Variants in TMED5 observed in about 807,000 individuals in gnomAD.
TMED5 encodes the protein transmembrane p24 trafficking protein 5.
TMED5 carries 27 observed loss-of-function variants against 23.0 expected under a neutral mutation model. The ratio of observed to expected loss-of-function variants is 1.17; its 90% CI spans 0.86 to 1.62. The LOEUF is 1.62. Among genes scored for constraint, TMED5 ranks in the 40% most tolerant of loss-of-function variants. The probability of loss-of-function intolerance (pLI) is 0.00; values close to 1 mark genes in which losing one functional copy is unlikely to be tolerated. For synonymous variants in TMED5, 97 were observed against 100.8 expected (o/e 0.96, Z 0.23); for missense variants, 248 against 273.7 (o/e 0.91, Z 0.66).
At position 93,151,250 on chromosome 1, in the gene TMED5, C is replaced by T. The variant is rs1647864098; in HGVS notation, c.*3420G>A. ...TAGCAGTGCAGAAGCAGAAAGGTGC[C>T]TAAGGATTTCTACCAGCTTGTGGTA... On this transcript the variant is annotated 3_prime_UTR_variant, in exon 4 of 4. Coordinates refer to ENST00000370282, the MANE Select transcript of TMED5 (RefSeq NM_016040.5). The T allele has an allele frequency of 6.6e-6, 1 of 152,168 alleles. No individual in the cohort carries two copies. Among genetic ancestry groups the T allele is most frequent in the Non-Finnish European group, 1.5e-5 (1 of 68,036 alleles). The allele number at this position is 152,168 out of a possible 1,614,324, so 9.4% of individuals were successfully genotyped here. A position where few individuals can be genotyped will look rare whatever the true frequency, so the allele number is the denominator to read the frequency against.
At chr1:93,173,966 T>G (rs573365015) in intron 1 of TMED5, among the ~76,000 whole-genome samples, 1 of 147,386 alleles carries the variant, frequency 6.8e-6, no homozygotes, top group East Asian at 2.0e-4. Context: ...TTTTTTTTTG[T>G]TTTTTTTTTG....
intron 1 of TMED5, among the ~76,000 whole-genome samples, chr1:93,167,863 C>T (rs1334496852): frequency 1.3e-5 from 2 of 152,128 alleles, no homozygotes; most frequent in Admixed American, 1.3e-4. Context: ...CAGTTTTTCC[C>T]CATTCAGAAG....
At position 93,154,867 on chromosome 1, in the gene TMED5, A is replaced by T; in HGVS notation, c.493T>A (p.Ser165Thr). The T allele has an allele frequency of 6.2e-7, 1 of 1,609,514 alleles. No individual in the cohort carries two copies. Among genetic ancestry groups the T allele is most frequent in the Non-Finnish European group, 8.5e-7 (1 of 1,176,892 alleles). The stretch of plus-strand genomic sequence containing the variant: ...ATGTGCCCACTTTTGCTTAGTCTGG[A>T]CTTGATGCTGTTGATGGATTCCTGG... ...DILESINSIKSRLSKSGHIQT... is the reference protein window; with the variant it reads ...DILESINSIKTRLSKSGHIQT... Residue 165 changes from serine (S) to threonine (T), a missense_variant, in exon 4 of 4, where the codon TCC becomes ACC. Physicochemically the swap from Ser to Thr is moderately conservative, Grantham distance 58. Coordinates refer to ENST00000370282, the MANE Select transcript of TMED5 (RefSeq NM_016040.5).
At chr1:93,176,265 G>A (rs571281035) in intron 1 of TMED5, among the ~76,000 whole-genome samples, 138 of 152,180 alleles carry the variant, frequency 9.1e-4, no homozygotes, top group Middle Eastern at 3.4e-3. Flanking sequence ...TTGGCACGTT[G>A]TTGTTCTTTT....
At chr1:93,157,624 G>A (rs1648120248) in intron 2 of TMED5, among the ~76,000 whole-genome samples, 1 of 152,084 alleles carries the variant, frequency 6.6e-6, no homozygotes, top group Non-Finnish European at 1.5e-5. Context: ...GCTTGGTTGA[G>A]CCCAGTACTT....
chr1:93,173,516 AGAGAT>A (rs1648799273), intron 1 of TMED5, among the ~76,000 whole-genome samples: 1 of 152,254 alleles, frequency 6.6e-6, no homozygotes, highest in South Asian at 2.1e-4. Context: ...AAGAGAAAAT[AGAGAT>A]GAACTACAAA....
Position 93,156,392 on chromosome 1 carries a change from C to T in TMED5, c.379G>A (p.Asp127Asn), listed in dbSNP as rs1452865275. The T allele has an allele frequency of 6.2e-7, 1 of 1,613,736 alleles. No individual in the cohort carries two copies. The highest frequency in any genetic ancestry group is 1.3e-5 in the African/African-American group (1 of 75,008). The change falls in exon 3 of 4, where the codon GAT becomes AAT. Residue 127 changes from aspartate (D) to asparagine (N), a missense_variant. Asp to Asn is a conservative substitution (Grantham distance 23). Coordinates refer to ENST00000370282, the MANE Select transcript of TMED5 (RefSeq NM_016040.5). ...TCTTGTGCCTGTTCTCCCATATTAT[C>T]CAGGATTAATTCAAAGAAAATCACC... ...EKVIFFELILDNMGEQAQEQE... is the reference protein window; with the variant it reads ...EKVIFFELILNNMGEQAQEQE...
chr1:93,175,987 T>G (rs183047864), intron 1 of TMED5, among the ~76,000 whole-genome samples: 1 of 152,336 alleles, frequency 6.6e-6, no homozygotes, highest in East Asian at 1.9e-4. Context: ...ACTGTTAAAG[T>G]ATAGAAACTG....
rs375399256 is a variant in TMED5, at chr1:93,170,359, G to A, written c.189+9695C>T. ...CGTGGGCTCCGCGGCCCCGCACTGG[G>A]AGCGGCCGGCCGGCCTGCAAGCCCT... On this transcript the variant is annotated intron_variant, in intron 1 of 3. Transcript: ENST00000370282. 6.9e-3 allele frequency among the ~76,000 whole-genome samples: 1,050 copies of A among 152,326 alleles called. 13 individuals are homozygous for A. The highest frequency in any genetic ancestry group is 0.027 in the Middle Eastern group (8 of 294).
At chr1:93,179,336 C>A (rs72715394) in intron 1 of TMED5, among the ~76,000 whole-genome samples, 1 of 138,284 alleles carries the variant, frequency 7.2e-6, no homozygotes, top group South Asian at 2.3e-4. Context: ...CACTCCAACT[C>A]TAGCTTGAGC....
chr1:93,160,033 T>C, intron 2 of TMED5, 96 bp downstream of exon 2: 2 of 666,366 alleles, frequency 3.0e-6, no homozygotes, highest in South Asian at 3.7e-5. Flanking sequence ...TTATCTAATA[T>C]TGATATGTAG....
rs1287518789 is a variant in TMED5, at chr1:93,180,161, A to C, written c.82T>G (p.Phe28Val). Residue 28 changes from phenylalanine (F) to valine (V), a missense_variant, in exon 1 of 4, where the codon TTC (phenylalanine) becomes GTC (valine). By Grantham distance (50) the Phe-to-Val change is conservative. Transcript: ENST00000370282. The stretch of plus-strand genomic sequence containing the variant: ...AAGTCGCTATCGAGGGAAGGTGTGA[A>C]GCCGGCCGCCCCAGGCAGCAGCACC... ...PPVLLPGAAGFTPSLDSDFTF... is the reference protein window; with the variant it reads ...PPVLLPGAAGVTPSLDSDFTF... 6.2e-7 allele frequency: 1 copy of C among 1,613,328 alleles called. No homozygotes were observed. Among genetic ancestry groups the C allele is most frequent in the African/African-American group, 1.3e-5 (1 of 74,968 alleles).
At chr1:93,156,225 T>C in intron 3 of TMED5, 75 bp downstream of exon 3, 2 of 1,354,588 alleles carry the variant, frequency 1.5e-6, no homozygotes, top group South Asian at 2.6e-5. Flanking sequence ...ATAAAATGCT[T>C]AGTTCAGTAA....
chr1:93,156,825 A>G lies in TMED5; in HGVS notation c.288-342T>C, dbSNP rs11164875. On this transcript the variant is annotated intron_variant, in intron 2 of 3. Transcript: ENST00000370282. ...CCTGTCTCAAAAAAAAAAAAAAAAA[A>G]AAAGAAACCAACAAAACAAAAAACA... 5.2e-4 allele frequency among the ~76,000 whole-genome samples: 78 copies of G among 151,234 alleles called. 1 individual carries two copies. Among genetic ancestry groups the G allele is most frequent in the South Asian group, 6.2e-4 (3 of 4,814 alleles).
At chr1:93,169,918 C>T (rs912435938) in intron 1 of TMED5, among the ~76,000 whole-genome samples, 5 of 151,180 alleles carry the variant, frequency 3.3e-5, no homozygotes, top group Admixed American at 1.3e-4. Context: ...CACACACACA[C>T]AAAATTAGGC....
intron 1 of TMED5, among the ~76,000 whole-genome samples, chr1:93,164,477 C>CAGTA (rs547033380): frequency 3.3e-4 from 50 of 152,170 alleles, no homozygotes; most frequent in African/African-American, 1.1e-3. Context: ...AAAAGTCCAC[C>CAGTA]AGTACATAGA....
At chr1:93,177,043 T>C (rs896566771) in intron 1 of TMED5, among the ~76,000 whole-genome samples, 1 of 152,172 alleles carries the variant, frequency 6.6e-6, no homozygotes, top group Non-Finnish European at 1.5e-5. Flanking sequence ...AGTAAGAAAT[T>C]AGTAAAATTT....
intron 3 of TMED5, among the ~76,000 whole-genome samples, chr1:93,155,375 A>G (rs564610564): frequency 3.5e-4 from 54 of 152,204 alleles, no homozygotes; most frequent in Non-Finnish European, 6.5e-4. Flanking sequence ...TTCTCCTGAC[A>G]TATTTATATT....
chr1:93,153,366 A>G lies in TMED5; in HGVS notation c.*1304T>C, dbSNP rs959477560. On this transcript the variant is annotated 3_prime_UTR_variant, in exon 4 of 4. Coordinates refer to ENST00000370282, the MANE Select transcript of TMED5 (RefSeq NM_016040.5). ...TAAAGTGTTCAGAAAGGCCATTTTA[A>G]TAAAAGTTGTTATAATAAAAATTTT... The G allele has an allele frequency of 2.0e-5, 3 of 152,128 alleles. No homozygotes were observed. The highest frequency in any genetic ancestry group is 7.2e-5 in the African/African-American group (3 of 41,440). 9.4% of individuals were successfully genotyped at this position (152,128 alleles called of 1,614,324 possible).
Sources: gnomAD v4.1 joint callset for allele counts (sites outside exome capture counted in the v4.1 genomes callset) on GRCh38, gnomAD v4.1.1 for gene constraint, MANE v1.5 for transcripts, NCBI Gene and HGNC (gene_info 2026-07-23, HGNC 2026-07-21) for gene names.